Variants in TANC1 observed in about 807,000 individuals in gnomAD.
TANC1 encodes the protein protein TANC1.
In TANC1, 77 loss-of-function variants were observed where a neutral mutation model predicts 149.7. The observed-to-expected ratio is 0.51, with a 90% CI of 0.43 to 0.62. The LOEUF is 0.62. Ranked by LOEUF, TANC1 falls within the 20% of genes least tolerant of loss-of-function variation. The pLI, the probability that TANC1 is intolerant of heterozygous loss-of-function variation, is 0.00. For missense variants in TANC1, 1,985 were observed against 2,321.8 expected, an observed-to-expected ratio of 0.85 and a Z score of 2.98; for synonymous variants, 854 against 925.0, an observed-to-expected ratio of 0.92 and a Z score of 1.39.
chr2:159,136,198 C>T lies in TANC1; in HGVS notation c.264C>T (p.Pro88=), dbSNP rs375201296. Residue 88 remains proline, a synonymous_variant, in exon 5 of 27, where the codon CCC becomes CCT. Transcript: ENST00000263635. ...QSRVNKKSPG[P]VRKPKYVESP... ...CTCAGATCTTTCCCACTACAGGTCCCGTCAGGAAGCCCAAGTATGTGGAAA... is the reference window on the plus strand; with the variant it reads ...CTCAGATCTTTCCCACTACAGGTCCTGTCAGGAAGCCCAAGTATGTGGAAA... 8.2e-5 allele frequency: 132 copies of T among 1,600,038 alleles called. No homozygotes were observed. The African/African-American group carries it at 1.2e-3, about 15-fold the overall frequency.
In TANC1 at chr2:159,046,589, C is replaced by CTTTTTTT. The variant is rs57208685; in HGVS notation, c.-15-19285_-15-19279dup. Among the ~76,000 whole-genome samples, 40 of 84,384 alleles carry CTTTTTTT rather than the reference C, an allele frequency of 4.7e-4. 4 individuals carry two copies. Among genetic ancestry groups the CTTTTTTT allele is most frequent in the Non-Finnish European group, 6.7e-4 (32 of 47,890 alleles). 55.4% of individuals were successfully genotyped at this position (84,384 alleles called of 152,430 possible). ...ATGCACCATTCTTTTCTTTTCTTTA[C>CTTTTTTT]TTTTTTTTTTTTTTTTTTTTTTTTT... On this transcript the variant is annotated intron_variant, in intron 2 of 26. Transcript: ENST00000263635.
intron 8 of TANC1, among the ~76,000 whole-genome samples, chr2:159,168,392 C>A (rs1213022188): frequency 6.6e-6 from 1 of 151,496 alleles, no homozygotes; most frequent in Admixed American, 6.6e-5. Context: ...CTCTGCCTCC[C>A]AGGTTTAAGC....
At chr2:159,017,502 T>G (rs1027791753) in intron 2 of TANC1, among the ~76,000 whole-genome samples, 31 of 152,288 alleles carry the variant, frequency 2.0e-4, no homozygotes, top group African/African-American at 7.5e-4. Flanking sequence ...CCTGTAAATG[T>G]TAGGAAATAA....
chr2:159,002,658 G>A (rs573610372), intron 2 of TANC1, among the ~76,000 whole-genome samples: 2 of 152,152 alleles, frequency 1.3e-5, no homozygotes, highest in Admixed American at 6.5e-5. Flanking sequence ...TTAGTGAGGC[G>A]TTTGTGAGCT....
chr2:159,020,017 T>A (rs944968137), intron 2 of TANC1, among the ~76,000 whole-genome samples: 1 of 152,144 alleles, frequency 6.6e-6, no homozygotes. Context: ...ATAAAACTAG[T>A]CGATTTTGAG....
intron 19 of TANC1, among the ~76,000 whole-genome samples, chr2:159,215,283 T>G (rs1041443656): frequency 1.2e-4 from 18 of 152,252 alleles, no homozygotes; most frequent in Non-Finnish European, 2.5e-4. Flanking sequence ...TACCTCTCTG[T>G]GACATGTGAA....
At chr2:158,969,232 GGGGGAGGCGCGCCTGGCACCGC>G (rs1375954025) in intron 1 of TANC1, among the ~76,000 whole-genome samples, 1 of 152,182 alleles carries the variant, frequency 6.6e-6, no homozygotes, top group South Asian at 2.1e-4. Context: ...GGGGGAGGCG[GGGGGAGGCGCGCCTGGCACCGC>G]GGGGTCCTGG....
At chr2:158,988,187 T>C (rs1376318520) in intron 1 of TANC1, among the ~76,000 whole-genome samples, 2 of 151,868 alleles carry the variant, frequency 1.3e-5, no homozygotes, top group East Asian at 3.9e-4. Flanking sequence ...TAGCCGGTCG[T>C]GGTGGTGGGC....
intron 2 of TANC1, among the ~76,000 whole-genome samples, chr2:159,019,651 C>CTGTTTTTTTT (rs2038622658): frequency 1.6e-5 from 1 of 61,280 alleles, no homozygotes; most frequent in African/African-American, 5.8e-5. Flanking sequence ...TGCTTTCTTT[C>CTGTTTTTTTT]TGTTTTTTTT....
At chr2:159,147,003 C>T (rs1053176769) in intron 5 of TANC1, among the ~76,000 whole-genome samples, 1 of 152,126 alleles carries the variant, frequency 6.6e-6, no homozygotes, top group Non-Finnish European at 1.5e-5. Context: ...AGGCAGCAGC[C>T]ACTGTGCTGG....
intron 3 of TANC1, among the ~76,000 whole-genome samples, chr2:159,066,508 A>G (rs1384530705): frequency 1.3e-5 from 2 of 152,234 alleles, no homozygotes; most frequent in Non-Finnish European, 1.5e-5. Context: ...ATCCTTTCCC[A>G]GAAACTTTAA....
At chr2:159,155,171 T>A (rs557940623) in intron 7 of TANC1, among the ~76,000 whole-genome samples, 28 of 152,340 alleles carry the variant, frequency 1.8e-4, no homozygotes, top group African/African-American at 6.7e-4. Context: ...GTGATAAAAT[T>A]TTAAGTGTGT....
At chr2:158,987,308 T>C (rs2035119320) in intron 1 of TANC1, among the ~76,000 whole-genome samples, 1 of 151,140 alleles carries the variant, frequency 6.6e-6, no homozygotes, top group Non-Finnish European at 1.5e-5. Flanking sequence ...GGTGGATCAC[T>C]TGAGCTTAGG....
At chr2:159,029,605 C>T (rs2039623370) in intron 2 of TANC1, among the ~76,000 whole-genome samples, 1 of 152,168 alleles carries the variant, frequency 6.6e-6, no homozygotes, top group Non-Finnish European at 1.5e-5. Context: ...GCTCTGTCAA[C>T]CAGGCTGGAG....
chr2:159,058,026 G>C (rs910439293), intron 2 of TANC1, among the ~76,000 whole-genome samples: 2 of 152,144 alleles, frequency 1.3e-5, no homozygotes, highest in African/African-American at 4.8e-5. Context: ...TGAAGACAGG[G>C]AACTCCTGCC....
intron 3 of TANC1, among the ~76,000 whole-genome samples, chr2:159,069,978 C>T (rs1441227317): frequency 4.6e-5 from 7 of 151,638 alleles, no homozygotes; most frequent in Admixed American, 6.6e-5. Flanking sequence ...ATGGGGTTTC[C>T]GCCATGTTGC....
chr2:159,126,082 C>T (rs943511364), intron 4 of TANC1, among the ~76,000 whole-genome samples: 2 of 152,192 alleles, frequency 1.3e-5, no homozygotes, highest in East Asian at 1.9e-4. Context: ...TTATAGCAAG[C>T]TTACCCAGAT....
At position 159,155,134 on chromosome 2, in the gene TANC1, A is replaced by C. The variant is rs200801402; in HGVS notation, c.682+4578A>C. Among the ~76,000 whole-genome samples the C allele has an allele frequency of 5.3e-5, 8 of 152,214 alleles. No homozygotes were observed. The East Asian group carries it at 1.5e-3, about 29-fold the overall frequency. On this transcript the variant is annotated intron_variant, in intron 7 of 26. Coordinates refer to ENST00000263635, the MANE Select transcript of TANC1 (RefSeq NM_033394.3). Reference sequence around the variant, plus strand: ...ATGTGTTTTAAAGTGCTTTGAGATAAATTTAATTTGTGTTTATGTACATAT... The same window carrying C: ...ATGTGTTTTAAAGTGCTTTGAGATACATTTAATTTGTGTTTATGTACATAT...
intron 2 of TANC1, among the ~76,000 whole-genome samples, chr2:159,060,974 C>T (rs2042198164): frequency 6.6e-6 from 1 of 152,142 alleles, no homozygotes; most frequent in African/African-American, 2.4e-5. Flanking sequence ...TTGTGCCTGT[C>T]CCCAAAGACT....
Sources: allele counts gnomAD v4.1 joint callset (sites outside exome capture counted in the v4.1 genomes callset), GRCh38; gene constraint gnomAD v4.1.1; transcripts MANE v1.5; gene names NCBI Gene and HGNC (gene_info 2026-07-23, HGNC 2026-07-21).